The following ADCY5 variants were observed in gnomAD, a reference collection of about 807,000 sequenced individuals.
The protein encoded by ADCY5 is adenylate cyclase type 5.
ADCY5 carries 30 observed loss-of-function variants against 119.7 expected under a neutral mutation model. The ratio of observed to expected loss-of-function variants is 0.25; its 90% CI spans 0.19 to 0.34. The LOEUF (loss-of-function observed/expected upper bound fraction) is 0.34, where lower values mean the gene tolerates loss of function less well. Ranked by LOEUF, ADCY5 falls within the 10% of genes least tolerant of loss-of-function variation. ADCY5 has a pLI of 1.00. For missense variants in ADCY5, 1,324 were observed against 1,775.2 expected (o/e 0.75, Z 4.57); for synonymous variants, 753 against 762.2 (o/e 0.99, Z 0.20).
chr3:123,324,404 CCACACACACACACACA>C (rs10522987), intron 8 of ADCY5, among the ~76,000 whole-genome samples: 3,591 of 109,632 alleles, frequency 0.033, 65 homozygotes, highest in Non-Finnish European at 0.042. Flanking sequence ...CACACAGAAA[CCACACACACACACACA>C]CACACACACA....
chr3:123,447,477 G>A lies in ADCY5; in HGVS notation c.1069C>T (p.Leu357=). Reference sequence around the variant, plus strand: ...GCGATGGCCAGGTGGAGGGCGGACAGGAGCACCCCGCTGAGCACTGCGGCC... The same window carrying A: ...GCGATGGCCAGGTGGAGGGCGGACAAGAGCACCCCGCTGAGCACTGCGGCC... ...MRAAVLSGVL[L]SALHLAIALR... is the part of the protein sequence containing the mutation. The change falls in exon 1 of 21, where the codon CTG becomes TTG. Residue 357 remains leucine (L), a synonymous_variant. Coordinates refer to ENST00000462833, the MANE Select transcript of ADCY5 (RefSeq NM_183357.3). The A allele has an allele frequency of 6.2e-7, 1 of 1,611,348 alleles. No individual in the cohort carries two copies. Among genetic ancestry groups the A allele is most frequent in the South Asian group, 1.1e-5 (1 of 90,680 alleles).
At chr3:123,335,803 G>C (rs555899966) in intron 3 of ADCY5, among the ~76,000 whole-genome samples, 1 of 152,354 alleles carries the variant, frequency 6.6e-6, no homozygotes, top group East Asian at 1.9e-4. Context: ...CACCTCCCAG[G>C]AGAAGCACAG....
At chr3:123,303,353 C>T (rs1939968012) in intron 13 of ADCY5, 134 bp from the exon 14 acceptor site, 1 of 1,002,952 alleles carries the variant, frequency 1.0e-6, no homozygotes, top group African/African-American at 1.6e-5. Context: ...GGGACAAAAT[C>T]TGAAAGAGTC....
intron 17 of ADCY5, among the ~76,000 whole-genome samples, 154 bp from the exon 18 acceptor site, chr3:123,291,530 C>A (rs1939150453): frequency 6.6e-6 from 1 of 152,216 alleles, no homozygotes; most frequent in Non-Finnish European, 1.5e-5. Flanking sequence ...GTCTCTCCTC[C>A]TCTCTCTGCT....
Position 123,282,785 on chromosome 3 carries a change from C to T in ADCY5, c.*1823G>A. On this transcript the variant is annotated 3_prime_UTR_variant, in exon 21 of 21. Transcript: ENST00000462833. ...GGTGTGCGGGGAGGGGAGGGTGGTGCTAGAGCCCAGTGAGAGGTGGTACAG... is the reference window on the plus strand; with the variant it reads ...GGTGTGCGGGGAGGGGAGGGTGGTGTTAGAGCCCAGTGAGAGGTGGTACAG... 6.6e-6 allele frequency: 1 copy of T among 152,350 alleles called. No homozygotes were observed. 9.4% of individuals were successfully genotyped at this position (152,350 alleles called of 1,614,324 possible).
In ADCY5 at chr3:123,297,391, A is replaced by G. The variant is rs1288090433; in HGVS notation, c.2901-9T>C. 2 of 1,613,930 alleles carry G rather than the reference A, an allele frequency of 1.2e-6. No homozygotes were observed. Among genetic ancestry groups the G allele is most frequent in the Non-Finnish European group, 1.7e-6 (2 of 1,179,948 alleles). On this transcript the variant is annotated splice_polypyrimidine_tract_variant and intron_variant, in intron 15 of 20. Coordinates refer to ENST00000462833, the MANE Select transcript of ADCY5 (RefSeq NM_183357.3). ...CGTTGTTGAAGAAGTCTCTGTGAAG[A>G]GAGTTGGGGAAGACTGGTCAGGGCC... is the stretch of plus-strand genomic sequence containing the variant.
chr3:123,402,902 T>C (rs1944808262), intron 1 of ADCY5, among the ~76,000 whole-genome samples: 1 of 152,068 alleles, frequency 6.6e-6, no homozygotes, highest in African/African-American at 2.4e-5. Context: ...ATTTCTTCTT[T>C]TTCGCAGGGA....
chr3:123,343,923 G>C (rs572867821), intron 3 of ADCY5, among the ~76,000 whole-genome samples: 30 of 152,318 alleles, frequency 2.0e-4, no homozygotes, highest in African/African-American at 7.2e-4. Flanking sequence ...AGTGTCTCCG[G>C]GGTCTCCAGG....
chr3:123,411,152 C>G (rs954339079), intron 1 of ADCY5, among the ~76,000 whole-genome samples: 3 of 152,162 alleles, frequency 2.0e-5, no homozygotes, highest in African/African-American at 7.2e-5. Context: ...TCTTCCTTGC[C>G]CTGTGCCTCC....
chr3:123,447,394 G>A lies in ADCY5; in HGVS notation c.1134+18C>T, dbSNP rs1319204013. ...GCCCGCCCCGCAATCCAGTCCCGGT[G>A]GCCAGGTCGGCCCCTACCTGCTTCA... On this transcript the variant is annotated intron_variant, in intron 1 of 20. Coordinates refer to ENST00000462833, the MANE Select transcript of ADCY5 (RefSeq NM_183357.3). 1 of 1,526,338 alleles carries A rather than the reference G, an allele frequency of 6.6e-7. No homozygotes were observed. The highest frequency in any genetic ancestry group is 2.3e-5 in the East Asian group (1 of 43,148). 94.5% of individuals were successfully genotyped at this position (1,526,338 alleles called of 1,614,324 possible). A position where few individuals can be genotyped will look rare whatever the true frequency, so the allele number is the denominator to read the frequency against.
intron 15 of ADCY5, among the ~76,000 whole-genome samples, 200 bp downstream of exon 15, chr3:123,299,920 G>C (rs1395546660): frequency 3.3e-5 from 5 of 152,190 alleles, no homozygotes; most frequent in Admixed American, 3.3e-4. Context: ...AGTGGGGCCT[G>C]GTGACCTGAG....
rs1559775430 is a variant in ADCY5 at position 123,286,638 on chromosome 3, A to G, written c.3657+47T>C. The G allele has an allele frequency of 2.6e-6, 4 of 1,546,212 alleles. No homozygotes were observed. Among genetic ancestry groups the G allele is most frequent in the African/African-American group, 1.4e-5 (1 of 72,538 alleles). On this transcript the variant is annotated intron_variant, in intron 20 of 20. Transcript: ENST00000462833. This position sits in a 1 kb window ranked among gnomAD's most constrained non-coding sequence, Gnocchi z 4.2. ...CCCTGAAGACCTCTCGGTGTCAGAC[A>G]CAGGACCTCCCATGGGGTGAGGGGT...
At chr3:123,357,676 C>A (rs1943087702) in intron 1 of ADCY5, among the ~76,000 whole-genome samples, 1 of 152,070 alleles carries the variant, frequency 6.6e-6, no homozygotes, top group Non-Finnish European at 1.5e-5. Context: ...GCAAGTTGGA[C>A]CTGAAAGTGA....
chr3:123,308,203 T>C (rs1940315940), intron 12 of ADCY5, among the ~76,000 whole-genome samples: 1 of 151,562 alleles, frequency 6.6e-6, no homozygotes, highest in Non-Finnish European at 1.5e-5. Context: ...CCGGCTAATT[T>C]TGTTTTTGTA....
chr3:123,440,001 A>T (rs988893782), intron 1 of ADCY5, among the ~76,000 whole-genome samples: 12 of 152,242 alleles, frequency 7.9e-5, no homozygotes, highest in African/African-American at 2.9e-4. Context: ...GTTTAGGATT[A>T]CAACCCACCA....
intron 11 of ADCY5, among the ~76,000 whole-genome samples, chr3:123,314,862 G>C (rs1231887825): frequency 1.3e-5 from 2 of 152,128 alleles, no homozygotes; most frequent in Admixed American, 6.5e-5. Flanking sequence ...CTTTAGAAGG[G>C]CAGAATCTCT....
chr3:123,379,513 G>C (rs1022234184), intron 1 of ADCY5, among the ~76,000 whole-genome samples: 1 of 152,192 alleles, frequency 6.6e-6, no homozygotes, highest in African/African-American at 2.4e-5. Context: ...GGAGCAGCGG[G>C]TTTGCAAGAA....
intron 1 of ADCY5, 126 bp downstream of exon 1, chr3:123,447,286 G>T: frequency 8.9e-7 from 1 of 1,125,156 alleles, no homozygotes; most frequent in Non-Finnish European, 1.2e-6. Context: ...TAGCCTACAT[G>T]GCCGAGCCCT....
chr3:123,384,955 A>G (rs1002140855), intron 1 of ADCY5, among the ~76,000 whole-genome samples: 1 of 152,086 alleles, frequency 6.6e-6, no homozygotes, highest in East Asian at 1.9e-4. Flanking sequence ...CTGGGACCCC[A>G]CCCTGGTCCT....
Sources: allele counts gnomAD v4.1 joint callset (sites outside exome capture counted in the v4.1 genomes callset), GRCh38; gene constraint gnomAD v4.1.1; non-coding constraint Gnocchi (gnomAD v3.1); transcripts MANE v1.5; gene names NCBI Gene and HGNC (gene_info 2026-07-23, HGNC 2026-07-21).